PCDH15: variants seen among roughly 807,000 people sequenced by gnomAD.
PCDH15 encodes the protein protocadherin-15.
Under a neutral mutation model 178.5 loss-of-function variants are expected in PCDH15, and 129 were observed. The observed-to-expected ratio is 0.72, with a 90% CI of 0.63 to 0.84. The LOEUF is 0.84. Ranked by LOEUF, PCDH15 falls within the 40% of genes least tolerant of loss-of-function variation. The pLI is 0.00. For synonymous variants in PCDH15, 800 were observed against 732.0 expected (o/e 1.09, Z -1.50); for missense variants, 2,230 against 2,099.9 (o/e 1.06, Z -1.21).
intron 37 of PCDH15, chr10:53,809,222 T>C: frequency 6.2e-7 from 1 of 1,613,960 alleles, no homozygotes; most frequent in Non-Finnish European, 8.5e-7. Flanking sequence ...TCTTCTTCAC[T>C]GTATTCAGTA....
In PCDH15 at chr10:53,806,610, T is replaced by C; in HGVS notation, c.5192A>G (p.Asn1731Ser). 3.1e-6 allele frequency: 5 copies of C among 1,613,626 alleles called. No homozygotes were observed. The highest frequency in any genetic ancestry group is 4.2e-6 in the Non-Finnish European group (5 of 1,179,674). ...TTTTGTCATTGGTATATGGAGGTTGTTCCAGGGGCCCATCCAAAGCTCTTC... is the reference window on the plus strand; with the variant it reads ...TTTTGTCATTGGTATATGGAGGTTGCTCCAGGGGCCCATCCAAAGCTCTTC... ...DDEELWMGPW[N>S]NLHIPMTKL The change falls in exon 38 of 38, where the codon AAC (asparagine) becomes AGC (serine). Residue 1731 changes from asparagine (N) to serine (S), a missense_variant. Coordinates refer to ENST00000644397, the MANE Select transcript of PCDH15 (RefSeq NM_001384140.1).
chr10:55,050,306 A>T (rs1443049926), intron 2 of PCDH15, among the ~76,000 whole-genome samples: 1 of 152,024 alleles, frequency 6.6e-6, no homozygotes, highest in African/African-American at 2.4e-5. Flanking sequence ...AACCTTAATG[A>T]CACTAATAAT....
intron 25 of PCDH15, among the ~76,000 whole-genome samples, chr10:53,922,854 G>T (rs1589435314): frequency 6.6e-6 from 1 of 152,100 alleles, no homozygotes; most frequent in East Asian, 1.9e-4. Context: ...TGGGAGGCTG[G>T]GGGTGGGTGG....
intron 1 of PCDH15, among the ~76,000 whole-genome samples, chr10:54,694,543 T>G (rs1251673136): frequency 6.6e-6 from 1 of 152,150 alleles, no homozygotes; most frequent in Non-Finnish European, 1.5e-5. Flanking sequence ...GTTTTTCCAA[T>G]AGCATGTGCT....
At chr10:55,156,407 G>A (rs778357504) in intron 2 of PCDH15, among the ~76,000 whole-genome samples, 18 of 152,040 alleles carry the variant, frequency 1.2e-4, no homozygotes, top group South Asian at 2.1e-4. Context: ...TCCCTAAGGC[G>A]GCCTTCTTCT....
intron 1 of PCDH15, among the ~76,000 whole-genome samples, chr10:55,214,402 G>T (rs1223064783): frequency 6.6e-6 from 1 of 151,502 alleles, no homozygotes; most frequent in Non-Finnish European, 1.5e-5. Flanking sequence ...CAGTTACATT[G>T]TTTTTTCTTT....
intron 18 of PCDH15, among the ~76,000 whole-genome samples, chr10:54,038,472 C>G (rs1321477822): frequency 6.6e-6 from 1 of 151,922 alleles, no homozygotes; most frequent in Non-Finnish European, 1.5e-5. Context: ...GCAGGGTCAA[C>G]TACAGCCTTG....
chr10:54,297,494 G>T (rs1042615119), intron 8 of PCDH15, among the ~76,000 whole-genome samples: 25 of 152,236 alleles, frequency 1.6e-4, no homozygotes, highest in African/African-American at 6.0e-4. Flanking sequence ...CCACAACTAT[G>T]CAAAGCTTGC....
At chr10:54,589,279 C>T (rs2133909622) in intron 2 of PCDH15, among the ~76,000 whole-genome samples, 1 of 152,214 alleles carries the variant, frequency 6.6e-6, no homozygotes, top group South Asian at 2.1e-4. Flanking sequence ...AACAAATATT[C>T]TGAGACCTTA....
At chr10:54,512,701 T>A (rs1002698620) in intron 3 of PCDH15, among the ~76,000 whole-genome samples, 6 of 152,134 alleles carry the variant, frequency 3.9e-5, no homozygotes, top group Non-Finnish European at 7.4e-5. Flanking sequence ...AGAATAGTTA[T>A]TTTTTAAAAT....
chr10:54,332,086 G>A (rs1270996454), intron 6 of PCDH15, among the ~76,000 whole-genome samples: 1 of 150,122 alleles, frequency 6.7e-6, no homozygotes, highest in African/African-American at 2.4e-5. Context: ...GCTAGTGATA[G>A]CAGAGTATAA....
At chr10:55,198,006 C>T (rs1277769097) in intron 1 of PCDH15, among the ~76,000 whole-genome samples, 1 of 152,032 alleles carries the variant, frequency 6.6e-6, no homozygotes, top group African/African-American at 2.4e-5. Flanking sequence ...AAAGGGAAAT[C>T]TGTGGTTCTG....
At chr10:54,608,886 T>A (rs1036313182) in intron 2 of PCDH15, among the ~76,000 whole-genome samples, 9 of 152,016 alleles carry the variant, frequency 5.9e-5, no homozygotes, top group Non-Finnish European at 1.2e-4. Flanking sequence ...TCAATAACAT[T>A]TGGGAAATGA....
At chr10:54,218,758 A>G (rs943865477) in intron 9 of PCDH15, among the ~76,000 whole-genome samples, 4 of 152,218 alleles carry the variant, frequency 2.6e-5, no homozygotes, top group African/African-American at 9.7e-5. Flanking sequence ...AGAAAACCCA[A>G]CAAAGAAACA....
Position 53,903,336 on chromosome 10 carries a change from A to G in PCDH15, c.3408T>C (p.Asp1136=). 6.2e-7 allele frequency: 1 copy of G among 1,613,112 alleles called. No individual in the cohort carries two copies. Among genetic ancestry groups the G allele is most frequent in the Non-Finnish European group, 8.5e-7 (1 of 1,179,470 alleles). The change falls in exon 26 of 38, where the codon GAT becomes GAC. Residue 1136 remains aspartate (D), a synonymous_variant. Coordinates refer to ENST00000644397, the MANE Select transcript of PCDH15 (RefSeq NM_001384140.1). ...GAAACACTGGGGGATGATTATTTTC[A>G]TCCTGAATCTCAATGTATACTTTAG... ...NTAKVYIEIQ[D]ENNHPPVFQK...
At chr10:53,926,371 T>G (rs1012585460) in intron 25 of PCDH15, among the ~76,000 whole-genome samples, 1 of 152,248 alleles carries the variant, frequency 6.6e-6, no homozygotes, top group African/African-American at 2.4e-5. Context: ...CAGTAAATAT[T>G]CAGATTTCCA....
chr10:54,380,705 CATATATATATAT>C (rs58171476), intron 3 of PCDH15, among the ~76,000 whole-genome samples: 8 of 49,006 alleles, frequency 1.6e-4, no homozygotes, highest in African/African-American at 3.8e-4. Flanking sequence ...ATATATGCTC[CATATATATATAT>C]ATATATATAT....
chr10:54,257,156 C>A (rs7089643), intron 8 of PCDH15, among the ~76,000 whole-genome samples: 5 of 151,090 alleles, frequency 3.3e-5, no homozygotes, highest in African/African-American at 7.3e-5. Flanking sequence ...GGTAATGTTC[C>A]TTGTCAAGGA....
rs551748343 is a variant in PCDH15, at chr10:54,261,490, C to A, written c.877-24559G>T. On this transcript the variant is annotated intron_variant, in intron 8 of 37. Transcript: ENST00000644397. ...ATGAGAAATACAAATGACCTGTAAGCATTTGGAAAAAAAAATGTTTAGGTT... is the reference window on the plus strand; with the variant it reads ...ATGAGAAATACAAATGACCTGTAAGAATTTGGAAAAAAAAATGTTTAGGTT... Among the ~76,000 whole-genome samples, 212 of 151,648 alleles carry A rather than the reference C, an allele frequency of 1.4e-3. 1 individual carries two copies. The highest frequency in any genetic ancestry group is 5.0e-3 in the African/African-American group (206 of 41,404).
Sources: gnomAD v4.1 joint callset for allele counts (sites outside exome capture counted in the v4.1 genomes callset) on GRCh38, gnomAD v4.1.1 for gene constraint, MANE v1.5 for transcripts, NCBI Gene and HGNC (gene_info 2026-07-23, HGNC 2026-07-21) for gene names.